TDRD9: variants seen among roughly 807,000 people sequenced by gnomAD.
The protein encoded by TDRD9 is ATP-dependent RNA helicase TDRD9.
In TDRD9, 124 loss-of-function variants were observed where a neutral mutation model predicts 172.6. The ratio of observed to expected loss-of-function variants is 0.72; its 90% CI spans 0.62 to 0.83. The LOEUF (loss-of-function observed/expected upper bound fraction) is 0.83, where lower values mean the gene tolerates loss of function less well. Ranked by LOEUF, TDRD9 falls within the 40% of genes least tolerant of loss-of-function variation. The probability of loss-of-function intolerance (pLI) is 0.00; values close to 1 mark genes in which losing one functional copy is unlikely to be tolerated. For missense variants in TDRD9, 1,479 were observed against 1,714.1 expected, an observed-to-expected ratio of 0.86 and a Z score of 2.42; for synonymous variants, 619 against 617.1, an observed-to-expected ratio of 1.00 and a Z score of -0.05.
chr14:103,998,859 C>A (rs1241933070), intron 13 of TDRD9, 131 bp downstream of exon 13: 1 of 548,150 alleles, frequency 1.8e-6, no homozygotes, highest in Non-Finnish European at 3.2e-6. Context: ...GTGGCGCGAT[C>A]TCGGTTCACT....
intron 8 of TDRD9, among the ~76,000 whole-genome samples, chr14:103,989,341 A>G (rs2033786982): frequency 6.6e-6 from 1 of 152,226 alleles, no homozygotes; most frequent in African/African-American, 2.4e-5. Flanking sequence ...GACTGGGACA[A>G]TAATTGAGCC....
intron 8 of TDRD9, among the ~76,000 whole-genome samples, chr14:103,989,250 T>C (rs1191158072): frequency 6.6e-5 from 10 of 152,260 alleles, no homozygotes; most frequent in African/African-American, 2.4e-4. Flanking sequence ...TCTTTGCATG[T>C]GGCATGTCAT....
At chr14:103,937,894 T>A (rs1360590912) in intron 1 of TDRD9, among the ~76,000 whole-genome samples, 1 of 151,708 alleles carries the variant, frequency 6.6e-6, no homozygotes, top group African/African-American at 2.4e-5. Flanking sequence ...TGGAGTATAC[T>A]GAAGGATGAA....
At position 104,028,350 on chromosome 14, in the gene TDRD9, A is replaced by G. The variant is rs534855290; in HGVS notation, c.3282+1411A>G. On this transcript the variant is annotated intron_variant, in intron 28 of 35. Coordinates refer to ENST00000409874, the MANE Select transcript of TDRD9 (RefSeq NM_153046.3). ...CCCTTTTCTCAGCATCCTTACCAGCATTTATTTTTTGTCTTTTTGATAATA... is the reference window on the plus strand; with the variant it reads ...CCCTTTTCTCAGCATCCTTACCAGCGTTTATTTTTTGTCTTTTTGATAATA... Among the ~76,000 whole-genome samples, 14 of 152,176 alleles carry G rather than the reference A, an allele frequency of 9.2e-5. No individual in the cohort carries two copies. In the East Asian group the frequency reaches 2.3e-3, roughly 25 times the overall value.
intron 1 of TDRD9, among the ~76,000 whole-genome samples, chr14:103,930,361 A>G (rs535456764): frequency 9.2e-5 from 14 of 152,042 alleles, no homozygotes; most frequent in Non-Finnish European, 1.8e-4. Flanking sequence ...CTTATTTTGT[A>G]TTTTTAGTAG....
chr14:103,973,744 T>C (rs538031480), intron 6 of TDRD9, among the ~76,000 whole-genome samples: 2 of 152,342 alleles, frequency 1.3e-5, no homozygotes, highest in East Asian at 3.9e-4. Flanking sequence ...TAGGAGCCTC[T>C]CTTCCACTCC....
intron 34 of TDRD9, among the ~76,000 whole-genome samples, chr14:104,042,417 G>A (rs1315511217): frequency 6.6e-6 from 1 of 152,084 alleles, no homozygotes; most frequent in Non-Finnish European, 1.5e-5. Flanking sequence ...GCGTGGGCAG[G>A]GCATGGGAAG....
intron 24 of TDRD9, among the ~76,000 whole-genome samples, chr14:104,023,039 G>A (rs895676665): frequency 2.6e-5 from 4 of 151,732 alleles, no homozygotes; most frequent in Non-Finnish European, 4.4e-5. Flanking sequence ...AAAATTAGCC[G>A]GGTGTGGTGG....
chr14:103,979,677 A>C (rs1455290905), intron 7 of TDRD9, among the ~76,000 whole-genome samples: 1 of 152,200 alleles, frequency 6.6e-6, no homozygotes, highest in Non-Finnish European at 1.5e-5. Context: ...TGAGATTTGG[A>C]GGGGACAAAC....
At chr14:103,995,852 A>AATAAATATGGCAC in intron 12 of TDRD9, 45 bp downstream of exon 12, 1 of 1,527,182 alleles carries the variant, frequency 6.5e-7, no homozygotes, top group Non-Finnish European at 8.9e-7. Flanking sequence ...CTGTAGTGCC[A>AATAAATATGGCAC]TATTTATTGG....
intron 2 of TDRD9, 85 bp from the exon 3 acceptor site, chr14:103,962,994 A>T: frequency 5.2e-6 from 2 of 382,862 alleles, no homozygotes; most frequent in Non-Finnish European, 8.9e-6. Context: ...GTGTGTGTGT[A>T]TGCTGTATCT....
chr14:104,013,475 C>T (rs1292796219), intron 20 of TDRD9, among the ~76,000 whole-genome samples: 1 of 152,148 alleles, frequency 6.6e-6, no homozygotes, highest in Non-Finnish European at 1.5e-5. Context: ...CTATTCTGAC[C>T]TCTGGGTGGG....
rs756953745 is a variant in TDRD9 at position 103,994,526 on chromosome 14, G to T, written c.1243G>T (p.Val415Phe). ...LTSLVHKRLQ[V>F]YPLHSSVALE... ...ATTTTAGTAATTTCTTAGGTTGCAG[G>T]TCTATCCACTCCATTCAAGTGTGGC... Residue 415 changes from valine to phenylalanine, a missense_variant, in exon 11 of 36, where the codon GTC becomes TTC. By Grantham distance (50) the Val-to-Phe change is conservative (BLOSUM62 -1). Coordinates refer to ENST00000409874, the MANE Select transcript of TDRD9 (RefSeq NM_153046.3). 8.7e-6 allele frequency: 14 copies of T among 1,613,558 alleles called. 1 individual carries two copies. The highest frequency in any genetic ancestry group is 6.7e-5 in the Admixed American group (4 of 59,980).
At chr14:103,957,728 T>C (rs1177951169) in intron 2 of TDRD9, among the ~76,000 whole-genome samples, 6 of 152,176 alleles carry the variant, frequency 3.9e-5, no homozygotes, top group Non-Finnish European at 8.8e-5. Flanking sequence ...TAGATGACTC[T>C]GTGTGATGTG....
intron 28 of TDRD9, among the ~76,000 whole-genome samples, chr14:104,029,954 C>T (rs1221794851): frequency 6.6e-6 from 1 of 152,068 alleles, no homozygotes; most frequent in Non-Finnish European, 1.5e-5. Flanking sequence ...ACTTTTGAAG[C>T]TCATGTTGAA....
chr14:104,013,343 G>A (rs182944430), intron 20 of TDRD9, among the ~76,000 whole-genome samples: 6 of 152,220 alleles, frequency 3.9e-5, no homozygotes, highest in East Asian at 1.9e-4. Context: ...TTTCCTGTTC[G>A]GAGGGACTAT....
chr14:103,930,588 T>A (rs2030317010), intron 1 of TDRD9, among the ~76,000 whole-genome samples: 1 of 152,222 alleles, frequency 6.6e-6, no homozygotes, highest in South Asian at 2.1e-4. Context: ...GTAGAGTTCT[T>A]TCAAGTACAC....
chr14:103,976,739 G>A (rs1033142038), intron 7 of TDRD9, among the ~76,000 whole-genome samples: 61 of 152,234 alleles, frequency 4.0e-4, no homozygotes, highest in Non-Finnish European at 4.4e-4. Flanking sequence ...TAGTTTTTTT[G>A]AGGATCCTCC....
Position 104,006,791 on chromosome 14 carries a change from G to T in TDRD9, c.1953G>T (p.Val651=). The T allele has an allele frequency of 6.2e-7, 1 of 1,613,536 alleles. No individual in the cohort carries two copies. Among genetic ancestry groups the T allele is most frequent in the South Asian group, 1.1e-5 (1 of 90,976 alleles). The change falls in exon 18 of 36, where the codon GTG becomes GTT. Residue 651 remains valine (V), a synonymous_variant. Coordinates refer to ENST00000409874, the MANE Select transcript of TDRD9 (RefSeq NM_153046.3). ...RQHLDGYRNK[V]NFSGSSKSDC... ...TGTTATCTGTTTATAGGAACAAAGT[G>T]AATTTCTCTGGCAGTAGCAAGAGTG...
Sources: allele counts gnomAD v4.1 joint callset (sites outside exome capture counted in the v4.1 genomes callset), GRCh38; gene constraint gnomAD v4.1.1; transcripts MANE v1.5; gene names NCBI Gene and HGNC (gene_info 2026-07-23, HGNC 2026-07-21).